The following PRMT2 variants were observed in gnomAD, a reference collection of about 807,000 sequenced individuals.
PRMT2 encodes protein arginine N-methyltransferase 2.
Under a neutral mutation model 57.6 loss-of-function variants are expected in PRMT2, and 26 were observed. The ratio of observed to expected loss-of-function variants is 0.45; its 90% CI spans 0.33 to 0.63. PRMT2 has a LOEUF of 0.63. Among genes scored for constraint, PRMT2 ranks in the 20% least tolerant of loss-of-function variants. PRMT2 has a pLI of 0.02. For synonymous variants in PRMT2, 219 were observed against 220.0 expected, an observed-to-expected ratio of 1.00 and a Z score of 0.04; for missense variants, 472 against 564.4, an observed-to-expected ratio of 0.84 and a Z score of 1.66.
intron 10 of PRMT2, 46 bp from the exon 11 acceptor site, chr21:46,663,337 A>C (rs774572322): frequency 6.4e-7 from 1 of 1,560,988 alleles, no homozygotes; most frequent in East Asian, 2.3e-5. Flanking sequence ...CCATGTGGAG[A>C]CTGCCCTAGC....
intron 3 of PRMT2, chr21:46,643,175 G>C (rs1010317627): frequency 1.9e-5 from 3 of 160,424 alleles, no homozygotes. Flanking sequence ...TGGGGCGCTG[G>C]GCCCCTGGCT....
rs62225733 is a variant in PRMT2 at position 46,647,777 on chromosome 21, C to T, written c.328-681C>T. ...CTAATGTATGCCCACAAATCTCCAG[C>T]GACCCCAGCCTCAGTTACTGGACAG... On this transcript the variant is annotated intron_variant, in intron 5 of 11. Coordinates refer to ENST00000355680, the MANE Select transcript of PRMT2 (RefSeq NM_206962.4). Among the ~76,000 whole-genome samples, 504 of 152,342 alleles carry T rather than the reference C, an allele frequency of 3.3e-3. 1 individual carries two copies. The highest frequency in any genetic ancestry group is 6.5e-3 in the Non-Finnish European group (443 of 68,024).
chr21:46,653,919 G>C, intron 7 of PRMT2: 2 of 1,006,578 alleles, frequency 2.0e-6, no homozygotes, highest in South Asian at 4.0e-5. Context: ...AAAAATGACA[G>C]CCTTTTTTCT....
chr21:46,653,352 C>T, intron 7 of PRMT2: 1 of 985,444 alleles, frequency 1.0e-6, no homozygotes, highest in Non-Finnish European at 1.2e-6. Context: ...AATAACACTT[C>T]AGACTTCGGA....
Position 46,649,542 on chromosome 21 carries a change from G to C in PRMT2, c.490-33G>C. On this transcript the variant is annotated intron_variant, in intron 6 of 11. Transcript: ENST00000355680. This position sits in a 1 kb window ranked among gnomAD's most constrained non-coding sequence, Gnocchi z 4.8. ...GTAGATGACGGGCCGTGTGCCGGCC[G>C]GATGTACGCTGACGGTGCCTCTGCT... 1 of 1,613,596 alleles carries C rather than the reference G, an allele frequency of 6.2e-7. No homozygotes were observed. The highest frequency in any genetic ancestry group is 8.5e-7 in the Non-Finnish European group (1 of 1,180,018).
At position 46,648,351 on chromosome 21, in the gene PRMT2, T is replaced by G; in HGVS notation, c.328-107T>G. 1 of 1,162,526 alleles carries G rather than the reference T, an allele frequency of 8.6e-7. No homozygotes were observed. The highest frequency in any genetic ancestry group is 1.2e-6 in the Non-Finnish European group (1 of 811,972). The allele number at this position is 1,162,526 out of a possible 1,614,324, so 72.0% of individuals were successfully genotyped here. On this transcript the variant is annotated intron_variant, in intron 5 of 11. Transcript: ENST00000355680. This position sits in a 1 kb window ranked among gnomAD's most constrained non-coding sequence, Gnocchi z 4.8. ...GGCCTTCCATAGTCTTCCATAGGGGTGTTGGGGTCAGGGGTCATCAGCTGT... is the reference window on the plus strand; with the variant it reads ...GGCCTTCCATAGTCTTCCATAGGGGGGTTGGGGTCAGGGGTCATCAGCTGT...
intron 7 of PRMT2, chr21:46,653,209 T>G (rs985888621): frequency 1.0e-4 from 100 of 985,342 alleles, no homozygotes; most frequent in Non-Finnish European, 1.2e-4. Flanking sequence ...TTAACAAAGA[T>G]GTAATAATTC....
chr21:46,661,491 G>C (rs147686984), intron 9 of PRMT2: 10 of 220,124 alleles, frequency 4.5e-5, no homozygotes, highest in Middle Eastern at 1.5e-3. Flanking sequence ...TTTTTAGTTC[G>C]TTCTGCTGTG....
chr21:46,661,772 C>A, intron 9 of PRMT2, 28 bp from the exon 10 acceptor site: 1 of 1,330,990 alleles, frequency 7.5e-7, no homozygotes, highest in South Asian at 2.0e-5. Context: ...GCGGTGCCCA[C>A]GCGTGCCTTG....
At position 46,657,843 on chromosome 21, in the gene PRMT2, T is replaced by G. The variant is rs563261852; in HGVS notation, c.655-902T>G. The G allele has an allele frequency of 8.8e-4, 134 of 152,350 alleles. 1 individual carries two copies. Among genetic ancestry groups the G allele is most frequent in the African/African-American group, 2.9e-3 (119 of 41,570 alleles). The allele number at this position is 152,350 out of a possible 1,614,324, so 9.4% of individuals were successfully genotyped here. A position where few individuals can be genotyped will look rare whatever the true frequency, so the allele number is the denominator to read the frequency against. ...TTGAAAAATAAGATGTATATATTTT[T>G]TGTGTGCGTGTGTAGAAAAATACTT... is the stretch of plus-strand genomic sequence containing the variant. On this transcript the variant is annotated intron_variant, in intron 7 of 11. Coordinates refer to ENST00000355680, the MANE Select transcript of PRMT2 (RefSeq NM_206962.4).
chr21:46,647,629 T>C (rs2061384779), intron 5 of PRMT2, among the ~76,000 whole-genome samples: 1 of 152,220 alleles, frequency 6.6e-6, no homozygotes, highest in Non-Finnish European at 1.5e-5. Flanking sequence ...CTTCCCAAAG[T>C]ACTGGGATTA....
intron 3 of PRMT2, 130 bp downstream of exon 3, chr21:46,637,120 C>A: frequency 1.2e-6 from 1 of 835,824 alleles, no homozygotes; most frequent in Non-Finnish European, 1.9e-6. Context: ...CAGTAGAATG[C>A]TTAAATGTGA....
In PRMT2 at chr21:46,648,732, C is replaced by A; in HGVS notation, c.489+113C>A. On this transcript the variant is annotated intron_variant, in intron 6 of 11. Coordinates refer to ENST00000355680, the MANE Select transcript of PRMT2 (RefSeq NM_206962.4). The surrounding 1 kb of genome is among the most constrained non-coding windows in gnomAD (Gnocchi z 4.8). ...TGAGCTGTTGGGGGCTCACCGGTGA[C>A]TCCATGGTCTTGTTGAGCACCCTGC... 2.9e-6 allele frequency: 4 copies of A among 1,366,468 alleles called. No homozygotes were observed. The highest frequency in any genetic ancestry group is 4.0e-6 in the Non-Finnish European group (4 of 990,362). 84.6% of individuals were successfully genotyped at this position (1,366,468 alleles called of 1,614,324 possible).
Position 46,664,698 on chromosome 21 carries a change from T to C in PRMT2, c.*371T>C. 3.7e-6 allele frequency: 1 copy of C among 272,404 alleles called. No individual in the cohort carries two copies. The highest frequency in any genetic ancestry group is 6.9e-5 in the East Asian group (1 of 14,474). 16.9% of individuals were successfully genotyped at this position (272,404 alleles called of 1,614,324 possible). On this transcript the variant is annotated 3_prime_UTR_variant, in exon 12 of 12. Transcript: ENST00000355680. The stretch of plus-strand genomic sequence containing the variant: ...TATCAGCCCGTGTACCCTGTGACAG[T>C]GACTGTCCCCACCTCCTATGTTAGT...
rs1161112827 is a variant in PRMT2, at chr21:46,664,415, TC to T, written c.*90del. 2.0e-6 allele frequency: 3 copies of T among 1,529,492 alleles called. No individual in the cohort carries two copies. The highest frequency in any genetic ancestry group is 2.7e-6 in the Non-Finnish European group (3 of 1,105,530). The allele number at this position is 1,529,492 out of a possible 1,614,324, so 94.7% of individuals were successfully genotyped here. A position where few individuals can be genotyped will look rare whatever the true frequency, so the allele number is the denominator to read the frequency against. On this transcript the variant is annotated 3_prime_UTR_variant, in exon 12 of 12. Transcript: ENST00000355680. Reference sequence around the variant, plus strand: ...CAAGTTGCACCTGGCTTCTGCACACTCCTGCGAAAGTCGGTGAACATTCACT... The same window carrying T: ...CAAGTTGCACCTGGCTTCTGCACACTCTGCGAAAGTCGGTGAACATTCACT...
intron 7 of PRMT2, chr21:46,654,801 G>C (rs938562262): frequency 1.5e-6 from 1 of 661,872 alleles, no homozygotes; most frequent in Non-Finnish European, 1.9e-6. Context: ...GGGGACTTTA[G>C]CATCCAAGGA....
intron 7 of PRMT2, among the ~76,000 whole-genome samples, chr21:46,654,690 A>G (rs1025145115): frequency 1.3e-5 from 2 of 152,260 alleles, no homozygotes; most frequent in Non-Finnish European, 2.9e-5. Flanking sequence ...AGCTACTTAC[A>G]TAACACTGAC....
chr21:46,660,826 C>T lies in PRMT2; in HGVS notation c.831-7C>T. The T allele has an allele frequency of 6.2e-7, 1 of 1,612,566 alleles. No individual in the cohort carries two copies. Among genetic ancestry groups the T allele is most frequent in the Non-Finnish European group, 8.5e-7 (1 of 1,179,468 alleles). ...CTCTCAACAGTCGCTTTGACCTTTT[C>T]CCCTAGATCTTTAGCAGTTAAGGAG... On this transcript the variant is annotated splice_polypyrimidine_tract_variant and splice_region_variant and intron_variant, in intron 8 of 11. Coordinates refer to ENST00000355680, the MANE Select transcript of PRMT2 (RefSeq NM_206962.4).
chr21:46,642,598 C>T (rs979754193), intron 3 of PRMT2, among the ~76,000 whole-genome samples: 3 of 152,284 alleles, frequency 2.0e-5, no homozygotes, highest in South Asian at 2.1e-4. Flanking sequence ...AAAGTAAACA[C>T]GAATTACTTT....
Sources: allele counts gnomAD v4.1 joint callset (sites outside exome capture counted in the v4.1 genomes callset), GRCh38; gene constraint gnomAD v4.1.1; non-coding constraint Gnocchi (gnomAD v3.1); transcripts MANE v1.5; gene names NCBI Gene and HGNC (gene_info 2026-07-23, HGNC 2026-07-21).